SHANK2: variants seen among roughly 807,000 people sequenced by gnomAD.
The protein encoded by SHANK2 is SH3 and multiple ankyrin repeat domains protein 2.
Under a neutral mutation model 133.7 loss-of-function variants are expected in SHANK2, and 43 were observed. That is an observed-to-expected ratio of 0.32 (90% confidence interval 0.25 to 0.41). The LOEUF (loss-of-function observed/expected upper bound fraction) is 0.41. Ranked by LOEUF, SHANK2 falls within the 10% of genes least tolerant of loss-of-function variation. The probability of loss-of-function intolerance (pLI) is 1.00; values close to 1 mark genes in which losing one functional copy is unlikely to be tolerated. For synonymous variants in SHANK2, 1,017 were observed against 952.8 expected (o/e 1.07, Z -1.24); for missense variants, 1,994 against 2,235.8 (o/e 0.89, Z 2.18).
chr11:70,686,330 C>T (rs1300905259), intron 15 of SHANK2, among the ~76,000 whole-genome samples: 1 of 148,722 alleles, frequency 6.7e-6, no homozygotes, highest in African/African-American at 2.5e-5. Flanking sequence ...TCTACCCATC[C>T]ATCCACTCAT....
At chr11:70,602,219 A>C (rs1292930229) in intron 17 of SHANK2, among the ~76,000 whole-genome samples, 3 of 152,210 alleles carry the variant, frequency 2.0e-5, no homozygotes, top group African/African-American at 7.2e-5. Flanking sequence ...AGAAGCAGAT[A>C]CAGGCACCAT....
intron 3 of SHANK2, among the ~76,000 whole-genome samples, chr11:71,135,675 C>T (rs756738620): frequency 1.9e-4 from 29 of 152,110 alleles, no homozygotes; most frequent in Admixed American, 4.6e-4. Flanking sequence ...AGGCTGGTCT[C>T]GGACTCCTGA....
At chr11:71,079,424 T>C (rs1565438729) in intron 8 of SHANK2, among the ~76,000 whole-genome samples, 1 of 152,124 alleles carries the variant, frequency 6.6e-6, no homozygotes, top group African/African-American at 2.4e-5. Flanking sequence ...CTTGCAACTA[T>C]TCTATAAGCT....
rs782196893 is a variant in SHANK2, at chr11:70,896,540, G to C, written c.1135C>G (p.Leu379Val). The change falls in exon 11 of 26, where the codon CTG becomes GTG. Residue 379 changes from leucine to valine, a missense_variant. Physicochemically the swap from Leu to Val is conservative, Grantham distance 32. Coordinates refer to ENST00000601538, the MANE Select transcript of SHANK2 (RefSeq NM_012309.5). ...QVAIIAGNFELAEYIKNHKET... is the reference protein window; with the variant it reads ...QVAIIAGNFEVAEYIKNHKET... ...TTGTGGTTCTTGATGTATTCTGCCA[G>C]CTCAAAGTTGCCTGCTATTATGGCC... The C allele has an allele frequency of 9.7e-6, 7 of 718,938 alleles. No homozygotes were observed. Among genetic ancestry groups the C allele is most frequent in the South Asian group, 5.9e-5 (4 of 67,522 alleles). 44.5% of individuals were successfully genotyped at this position (718,938 alleles called of 1,614,324 possible). A position where few individuals can be genotyped will look rare whatever the true frequency, so the allele number is the denominator to read the frequency against.
At chr11:70,766,755 T>G (rs529573970) in intron 14 of SHANK2, among the ~76,000 whole-genome samples, 1 of 152,184 alleles carries the variant, frequency 6.6e-6, no homozygotes, top group Admixed American at 6.5e-5. Flanking sequence ...TTCCTCTTGT[T>G]TCATAACAAC....
At chr11:70,951,308 T>C (rs1175461877) in intron 10 of SHANK2, among the ~76,000 whole-genome samples, 1 of 151,982 alleles carries the variant, frequency 6.6e-6, no homozygotes, top group African/African-American at 2.4e-5. Context: ...CGTGACATCA[T>C]AAATTCATTT....
At chr11:71,067,830 C>A (rs1257846288) in intron 9 of SHANK2, among the ~76,000 whole-genome samples, 1 of 141,180 alleles carries the variant, frequency 7.1e-6, no homozygotes, top group Non-Finnish European at 1.6e-5. Context: ...CCACTACCAC[C>A]ACCATCGCTC....
intron 17 of SHANK2, among the ~76,000 whole-genome samples, chr11:70,617,778 T>G (rs1554996546): frequency 6.6e-6 from 1 of 152,122 alleles, no homozygotes; most frequent in Non-Finnish European, 1.5e-5. Flanking sequence ...GTTAGAAATG[T>G]TTGATTCAAA....
intron 2 of SHANK2, among the ~76,000 whole-genome samples, chr11:71,207,114 A>G (rs1289978659): frequency 2.1e-5 from 3 of 143,608 alleles, no homozygotes; most frequent in East Asian, 2.2e-4. Context: ...GAAAAGAAAA[A>G]AAAATCATGG....
At position 71,239,921 on chromosome 11, in the gene SHANK2, C is replaced by T. The variant is rs146895071; in HGVS notation, c.-113+12504G>A. On this transcript the variant is annotated intron_variant, in intron 1 of 25. Transcript: ENST00000601538. Reference sequence around the variant, plus strand: ...CAGGCACAGGCTACGTCTCGCAGGGCGTCTGCCAGGTGTCTCAGGCAACCA... The same window carrying T: ...CAGGCACAGGCTACGTCTCGCAGGGTGTCTGCCAGGTGTCTCAGGCAACCA... Among the ~76,000 whole-genome samples, 1,080 of 152,310 alleles carry T rather than the reference C, an allele frequency of 7.1e-3. 9 individuals are homozygous for T. The highest frequency in any genetic ancestry group is 0.024 in the African/African-American group (1,014 of 41,548).
At chr11:70,791,059 GA>G (rs201757156) in intron 14 of SHANK2, among the ~76,000 whole-genome samples, 2,569 of 152,212 alleles carry the variant, frequency 0.017, 62 homozygotes, top group African/African-American at 0.059. Flanking sequence ...TACTGGGCAG[GA>G]AAAAAACCTG....
At chr11:70,685,962 T>C (rs1380995800) in intron 15 of SHANK2, among the ~76,000 whole-genome samples, 1 of 151,848 alleles carries the variant, frequency 6.6e-6, no homozygotes, top group African/African-American at 2.4e-5. Flanking sequence ...CATGCATCCA[T>C]GGGTCCACCC....
rs186524220 is a variant in SHANK2 at position 71,195,387 on chromosome 11, G to A, written c.-13+29310C>T. ...AGCCTGGGTGACAGAGCGAGACTCC[G>A]TCTCAAAAAAAAAAAAAGTGCCTAA... On this transcript the variant is annotated intron_variant, in intron 2 of 25. Transcript: ENST00000601538. Among the ~76,000 whole-genome samples, 211 of 149,820 alleles carry A rather than the reference G, an allele frequency of 1.4e-3. 3 individuals carry two copies. The highest frequency in any genetic ancestry group is 5.5e-3 in the East Asian group (28 of 5,050).
intron 10 of SHANK2, among the ~76,000 whole-genome samples, chr11:70,913,914 G>A (rs1307365820): frequency 2.6e-5 from 4 of 152,206 alleles, no homozygotes; most frequent in Non-Finnish European, 5.9e-5. Flanking sequence ...TCATTGTTCA[G>A]GTAATGCTGC....
At chr11:71,078,660 A>G (rs1951252363) in intron 8 of SHANK2, among the ~76,000 whole-genome samples, 1 of 152,242 alleles carries the variant, frequency 6.6e-6, no homozygotes, top group Non-Finnish European at 1.5e-5. Flanking sequence ...AGACACGCCC[A>G]TCAGTGTGCC....
At position 70,820,524 on chromosome 11, in the gene SHANK2, G is replaced by A. The variant is rs1407643307; in HGVS notation, c.1333C>T (p.Leu445=). 5 of 717,046 alleles carry A rather than the reference G, an allele frequency of 7.0e-6. No homozygotes were observed. The Admixed American group carries it at 8.0e-5, about 11-fold the overall frequency. The allele number at this position is 717,046 out of a possible 1,614,324, so 44.4% of individuals were successfully genotyped here. A position where few individuals can be genotyped will look rare whatever the true frequency, so the allele number is the denominator to read the frequency against. Residue 445 remains leucine, a synonymous_variant, in exon 12 of 26, where the codon CTG becomes TTG. Coordinates refer to ENST00000601538, the MANE Select transcript of SHANK2 (RefSeq NM_012309.5). Reference sequence around the variant, plus strand: ...ATCTGCTGCAGCAGCTGGGGTGACAGGCTGCGGTGCGAGGTGGCCGTGGAG... The same window carrying A: ...ATCTGCTGCAGCAGCTGGGGTGACAAGCTGCGGTGCGAGGTGGCCGTGGAG... The part of the protein sequence containing the change: ...VCSTATSHRS[L]SPQLLQQMPS...
chr11:70,909,971 C>T (rs1404491486), intron 10 of SHANK2, among the ~76,000 whole-genome samples: 1 of 152,286 alleles, frequency 6.6e-6, no homozygotes, highest in East Asian at 1.9e-4. Flanking sequence ...ATCAAGGCAT[C>T]GCAGGGCTAG....
chr11:70,615,858 G>T (rs1225233269), intron 17 of SHANK2, among the ~76,000 whole-genome samples: 1 of 152,338 alleles, frequency 6.6e-6, no homozygotes, highest in South Asian at 2.1e-4. Flanking sequence ...CAACAAGGGA[G>T]GAACTTGCTC....
intron 3 of SHANK2, among the ~76,000 whole-genome samples, chr11:71,133,623 G>A (rs536605715): frequency 3.6e-4 from 55 of 152,022 alleles, no homozygotes; most frequent in African/African-American, 1.1e-3. Flanking sequence ...GGGTGGAAGC[G>A]TAGAGTGGAG....
Sources: gnomAD v4.1 joint callset for allele counts (sites outside exome capture counted in the v4.1 genomes callset) on GRCh38, gnomAD v4.1.1 for gene constraint, MANE v1.5 for transcripts, NCBI Gene and HGNC (gene_info 2026-07-23, HGNC 2026-07-21) for gene names.